The following EFL1 variants were observed in gnomAD, a reference collection of about 807,000 sequenced individuals.
The protein encoded by EFL1 is elongation factor-like GTPase 1.
In EFL1, 76 loss-of-function variants were observed where a neutral mutation model predicts 126.7. That is an observed-to-expected ratio of 0.60 (90% CI 0.50 to 0.73). EFL1 has a LOEUF of 0.73. Among genes scored for constraint, EFL1 ranks in the 30% least tolerant of loss-of-function variants. The pLI is 0.00. For missense variants in EFL1, 1,128 were observed against 1,343.2 expected (o/e 0.84, Z 2.50); for synonymous variants, 410 against 448.4 (o/e 0.91, Z 1.08).
chr15:82,141,333 T>C (rs2073784211), intron 18 of EFL1, among the ~76,000 whole-genome samples: 1 of 152,148 alleles, frequency 6.6e-6, no homozygotes, highest in Non-Finnish European at 1.5e-5. Context: ...ACACCTAACA[T>C]GTGTGAACTA....
intron 11 of EFL1, among the ~76,000 whole-genome samples, chr15:82,225,608 T>C (rs1186915151): frequency 2.0e-5 from 3 of 152,238 alleles, no homozygotes; most frequent in Middle Eastern, 6.8e-3. Flanking sequence ...GTATAGAAAA[T>C]AGAATTGAGG....
At chr15:82,199,718 A>G (rs1380762107) in intron 15 of EFL1, among the ~76,000 whole-genome samples, 1 of 152,226 alleles carries the variant, frequency 6.6e-6, no homozygotes, top group Non-Finnish European at 1.5e-5. Flanking sequence ...CTGGAAGAAT[A>G]CACCGATAAC....
At chr15:82,166,036 G>C (rs572323108) in intron 15 of EFL1, among the ~76,000 whole-genome samples, 1 of 152,258 alleles carries the variant, frequency 6.6e-6, no homozygotes, top group Non-Finnish European at 1.5e-5. Context: ...CTAGGTCTAA[G>C]TTTCCACTAA....
chr15:82,133,909 G>A (rs2073690359), intron 19 of EFL1, among the ~76,000 whole-genome samples: 1 of 152,128 alleles, frequency 6.6e-6, no homozygotes, highest in Non-Finnish European at 1.5e-5. Flanking sequence ...TGAGGAGTCG[G>A]GGGTTGGCAC....
At chr15:82,138,536 C>T (rs539508832) in intron 19 of EFL1, 122 bp downstream of exon 19, 2 of 1,132,190 alleles carry the variant, frequency 1.8e-6, no homozygotes, top group East Asian at 4.8e-5. Context: ...GTCCATTTGA[C>T]TGAGTTGAGC....
intron 4 of EFL1, among the ~76,000 whole-genome samples, chr15:82,249,778 T>C (rs982611198): frequency 5.3e-5 from 8 of 152,088 alleles, no homozygotes; most frequent in Non-Finnish European, 7.4e-5. Context: ...ATAATAGAGG[T>C]TCCATTTTCT....
intron 16 of EFL1, among the ~76,000 whole-genome samples, chr15:82,163,527 C>A (rs575162954): frequency 6.6e-6 from 1 of 152,134 alleles, no homozygotes; most frequent in African/African-American, 2.4e-5. Context: ...CAGAGTGAGA[C>A]TCCGCCTCAA....
In EFL1 at chr15:82,240,537, G is replaced by A. The variant is rs2074920586; in HGVS notation, c.397C>T (p.Gln133Ter). The A allele has an allele frequency of 6.2e-7, 1 of 1,613,728 alleles. No homozygotes were observed. The highest frequency in any genetic ancestry group is 8.5e-7 in the Non-Finnish European group (1 of 1,179,952). ...GGACGGATGTTTTCAAGCCAAGCTT[G>A]TCGCAGAACTGCCTGTGTCTGATAA... ...VCPQTQAVLR[Q>*]AWLENIRPVL... The change falls in exon 6 of 20, where the codon CAA (glutamine) becomes TAA (stop). Residue 133 changes from glutamine (Q) to a stop codon, truncating the protein, a stop_gained. Transcript: ENST00000268206. LOFTEE classifies it high-confidence loss of function.
Position 82,141,773 on chromosome 15 carries a change from T to C in EFL1, c.2990-2931A>G, listed in dbSNP as rs955582154. Among the ~76,000 whole-genome samples the C allele has an allele frequency of 5.4e-5, 8 of 148,600 alleles. No individual in the cohort carries two copies. The East Asian group carries it at 1.6e-3, about 29-fold the overall frequency. ...ATAAAACAATAGGGGCAAAAAAGAA[T>C]GAGGAAAGTGGGGCAAACAGACCAC... On this transcript the variant is annotated intron_variant, in intron 18 of 19. Transcript: ENST00000268206.
At chr15:82,206,273 A>C (rs1293115104) in intron 15 of EFL1, among the ~76,000 whole-genome samples, 1 of 152,186 alleles carries the variant, frequency 6.6e-6, no homozygotes, top group Non-Finnish European at 1.5e-5. Context: ...AGGAACCAAG[A>C]CTTAAAGATG....
intron 15 of EFL1, among the ~76,000 whole-genome samples, chr15:82,207,032 T>C (rs1408460626): frequency 6.6e-6 from 1 of 152,084 alleles, no homozygotes; most frequent in Non-Finnish European, 1.5e-5. Context: ...TACACTCACC[T>C]AATACTGTAT....
chr15:82,213,036 A>T (rs1421618945), intron 15 of EFL1, among the ~76,000 whole-genome samples: 1 of 152,108 alleles, frequency 6.6e-6, no homozygotes, highest in Non-Finnish European at 1.5e-5. Context: ...AAGAGTCATG[A>T]CACCAGCCCT....
At chr15:82,261,995 A>T (rs1189994464) in intron 1 of EFL1, 198 bp from the exon 2 acceptor site, 7 of 473,106 alleles carry the variant, frequency 1.5e-5, no homozygotes, top group Non-Finnish European at 2.6e-5. Context: ...CCACGATTAC[A>T]CTTAAGGAGT....
At chr15:82,257,306 T>C (rs2075074816) in intron 3 of EFL1, among the ~76,000 whole-genome samples, 1 of 152,226 alleles carries the variant, frequency 6.6e-6, no homozygotes, top group Non-Finnish European at 1.5e-5. Context: ...TCTTTCTGGG[T>C]ATCACATATT....
At chr15:82,158,544 G>C (rs951100001) in intron 16 of EFL1, among the ~76,000 whole-genome samples, 10 of 152,232 alleles carry the variant, frequency 6.6e-5, no homozygotes, top group African/African-American at 1.9e-4. Flanking sequence ...GTCCAAGGAA[G>C]TCTCTTGCAG....
chr15:82,202,875 G>C (rs769732604), intron 15 of EFL1, among the ~76,000 whole-genome samples: 40 of 150,770 alleles, frequency 2.7e-4, no homozygotes, highest in African/African-American at 8.8e-4. Context: ...ACAATGGTGC[G>C]ATCTCAGTTC....
intron 15 of EFL1, among the ~76,000 whole-genome samples, chr15:82,168,259 C>T (rs1365810952): frequency 5.9e-5 from 9 of 152,198 alleles, no homozygotes; most frequent in Non-Finnish European, 1.2e-4. Context: ...AGGGAATCCA[C>T]ACGCTTTATA....
chr15:82,199,592 C>T (rs1364590920), intron 15 of EFL1, among the ~76,000 whole-genome samples: 13 of 152,350 alleles, frequency 8.5e-5, no homozygotes, highest in African/African-American at 2.9e-4. Flanking sequence ...ACCAGAACAA[C>T]ATAATGCTGG....
At chr15:82,217,387 A>C (rs1421441530) in intron 14 of EFL1, among the ~76,000 whole-genome samples, 4 of 149,144 alleles carry the variant, frequency 2.7e-5, no homozygotes, top group Non-Finnish European at 6.0e-5. Flanking sequence ...AAAAAAAAAA[A>C]AAAAAAAACG....
Sources: allele counts gnomAD v4.1 joint callset (sites outside exome capture counted in the v4.1 genomes callset), GRCh38; gene constraint gnomAD v4.1.1; transcripts MANE v1.5; gene names NCBI Gene and HGNC (gene_info 2026-07-23, HGNC 2026-07-21).